The following LRMDA variants were observed in gnomAD, a reference collection of about 807,000 sequenced individuals.
LRMDA encodes leucine-rich melanocyte differentiation-associated protein.
In LRMDA, 18 loss-of-function variants were observed where a neutral mutation model predicts 29.8. The observed-to-expected ratio is 0.60, with a 90% CI of 0.42 to 0.90. The LOEUF is 0.90. Among genes scored for constraint, LRMDA ranks in the 40% least tolerant of loss-of-function variants. LRMDA has a pLI of 0.00. For synonymous variants in LRMDA, 125 were observed against 109.4 expected, an observed-to-expected ratio of 1.14 and a Z score of -0.89; for missense variants, 273 against 273.9, an observed-to-expected ratio of 1.00 and a Z score of 0.02.
chr10:75,635,389 C>G lies in LRMDA; in HGVS notation c.131+196895C>G, dbSNP rs554468562. Among the ~76,000 whole-genome samples the G allele has an allele frequency of 1.5e-4, 23 of 152,214 alleles. No individual in the cohort carries two copies. In the South Asian group the frequency reaches 4.8e-3, roughly 32 times the overall value. On this transcript the variant is annotated intron_variant, in intron 2 of 6. Transcript: ENST00000611255. ...ATGATGGCCTTGTTTTCTCCCTTCT[C>G]TCTATTTAATGACTTTTGAGGAGTT...
intron 2 of LRMDA, among the ~76,000 whole-genome samples, chr10:75,987,220 G>T (rs1847275565): frequency 6.6e-6 from 1 of 152,188 alleles, no homozygotes; most frequent in Non-Finnish European, 1.5e-5. Context: ...TATGACAGAT[G>T]ATCCTGGTCT....
intron 5 of LRMDA, among the ~76,000 whole-genome samples, chr10:76,142,906 T>G (rs1000555529): frequency 1.3e-5 from 2 of 151,562 alleles, no homozygotes; most frequent in Non-Finnish European, 2.9e-5. Flanking sequence ...GTGTTCTCAT[T>G]GTTCAATTCC....
chr10:76,103,940 T>C (rs1849437654), intron 5 of LRMDA, among the ~76,000 whole-genome samples: 1 of 151,634 alleles, frequency 6.6e-6, no homozygotes, highest in Admixed American at 6.6e-5. Flanking sequence ...TCCCAGCTAC[T>C]TGGGAGGCTG....
chr10:75,445,298 T>G (rs1468483878), intron 2 of LRMDA, among the ~76,000 whole-genome samples: 2 of 144,810 alleles, frequency 1.4e-5, no homozygotes, highest in Non-Finnish European at 3.0e-5. Flanking sequence ...ATTTAGTTTG[T>G]TTTTTTTTTC....
intron 5 of LRMDA, among the ~76,000 whole-genome samples, chr10:76,184,157 T>C (rs1411982756): frequency 1.3e-5 from 2 of 151,996 alleles, no homozygotes; most frequent in African/African-American, 2.4e-5. Context: ...CAGCTTGCCA[T>C]GTAGCTGGGA....
intron 2 of LRMDA, among the ~76,000 whole-genome samples, chr10:75,692,219 A>ATATAT (rs1554820676): frequency 6.9e-5 from 6 of 87,548 alleles, no homozygotes; most frequent in African/African-American, 1.7e-4. Context: ...AAAAAAAAAA[A>ATATAT]ATATATATAT....
chr10:75,663,079 A>G (rs1454502499), intron 2 of LRMDA, among the ~76,000 whole-genome samples: 1 of 152,192 alleles, frequency 6.6e-6, no homozygotes, highest in Non-Finnish European at 1.5e-5. Context: ...TCTGAAGGCC[A>G]TGGATCTGAC....
At chr10:75,825,738 TTCTGCATCTTTTCGATCTTC>T (rs1411005182) in intron 2 of LRMDA, among the ~76,000 whole-genome samples, 2 of 152,222 alleles carry the variant, frequency 1.3e-5, no homozygotes, top group Non-Finnish European at 2.9e-5. Context: ...GTTGACATTA[TTCTGCATCTTTTCGATCTTC>T]TCTTGCCAAG....
chr10:76,076,345 C>CAAAAAAA (rs397846101), intron 5 of LRMDA, among the ~76,000 whole-genome samples: 2 of 50,026 alleles, frequency 4.0e-5, no homozygotes, highest in African/African-American at 8.6e-5. Flanking sequence ...GACTCCATCT[C>CAAAAAAA]AAAAAAAAAA....
intron 2 of LRMDA, among the ~76,000 whole-genome samples, chr10:75,993,742 AAAAG>A (rs2132461908): frequency 6.6e-6 from 1 of 152,076 alleles, no homozygotes; most frequent in South Asian, 2.1e-4. Flanking sequence ...CAAAAAAAAA[AAAAG>A]AAACCATGAC....
intron 2 of LRMDA, among the ~76,000 whole-genome samples, chr10:75,726,872 T>A (rs1414856150): frequency 1.3e-5 from 2 of 152,218 alleles, no homozygotes; most frequent in East Asian, 3.9e-4. Context: ...GATACACTCA[T>A]GATCATTCTT....
chr10:76,068,004 C>G (rs1278188242), intron 5 of LRMDA, among the ~76,000 whole-genome samples: 1 of 152,224 alleles, frequency 6.6e-6, no homozygotes, highest in East Asian at 1.9e-4. Flanking sequence ...AGGGGGCAGG[C>G]AGAGGCCAAC....
At chr10:76,446,933 G>C (rs1198819336) in intron 6 of LRMDA, among the ~76,000 whole-genome samples, 3 of 152,104 alleles carry the variant, frequency 2.0e-5, no homozygotes, top group Non-Finnish European at 4.4e-5. Context: ...GTTTTCCTTA[G>C]TTATGGAAAA....
chr10:75,534,466 T>C (rs920390451), intron 2 of LRMDA, among the ~76,000 whole-genome samples: 2 of 152,134 alleles, frequency 1.3e-5, no homozygotes, highest in Non-Finnish European at 2.9e-5. Context: ...CTCGGCAATA[T>C]TGTGGGTGCA....
chr10:75,905,939 T>C (rs1845751629), intron 2 of LRMDA, among the ~76,000 whole-genome samples: 1 of 151,834 alleles, frequency 6.6e-6, no homozygotes, highest in Non-Finnish European at 1.5e-5. Flanking sequence ...GGTTTTTTTT[T>C]TCTTTTTTTT....
At chr10:76,350,440 ATT>A (rs750864656) in intron 6 of LRMDA, among the ~76,000 whole-genome samples, 5 of 142,834 alleles carry the variant, frequency 3.5e-5, no homozygotes, top group Non-Finnish European at 1.5e-5. Context: ...ATGGGGACCG[ATT>A]TTTTTTTTTT....
intron 4 of LRMDA, among the ~76,000 whole-genome samples, chr10:76,057,090 T>G (rs143678224): frequency 1.1e-3 from 171 of 152,308 alleles, no homozygotes; most frequent in African/African-American, 4.0e-3. Flanking sequence ...CACTGAGGAA[T>G]AGCTAGGTTC....
At chr10:75,856,124 G>T (rs533358678) in intron 2 of LRMDA, among the ~76,000 whole-genome samples, 122 of 152,168 alleles carry the variant, frequency 8.0e-4, no homozygotes, top group African/African-American at 2.9e-3. Flanking sequence ...AGCTTGATGG[G>T]GATGGCATTG....
Position 75,505,639 on chromosome 10 carries a change from GC to G in LRMDA, c.131+67146del, listed in dbSNP as rs1845161283. On this transcript the variant is annotated intron_variant, in intron 2 of 6. Transcript: ENST00000611255. ...TATTCTACCACTTCATGTACTTGCT[GC>G]ACTCATGGACCCCCCATATTCTTCC... Among the ~76,000 whole-genome samples the G allele has an allele frequency of 2.0e-5, 3 of 152,160 alleles. No homozygotes were observed. In the South Asian group the frequency reaches 6.2e-4, roughly 32 times the overall value.
Sources: allele counts gnomAD v4.1 joint callset (sites outside exome capture counted in the v4.1 genomes callset), GRCh38; gene constraint gnomAD v4.1.1; transcripts MANE v1.5; gene names NCBI Gene and HGNC (gene_info 2026-07-23, HGNC 2026-07-21).